FMO4: variants seen among roughly 807,000 people sequenced by gnomAD.
FMO4 encodes the protein dimethylaniline monooxygenase [N-oxide-forming] 4.
Under a neutral mutation model 43.3 loss-of-function variants are expected in FMO4, and 38 were observed. The ratio of observed to expected loss-of-function variants is 0.88; its 90% confidence interval spans 0.68 to 1.15. The LOEUF (loss-of-function observed/expected upper bound fraction) is 1.15. Ranked by LOEUF, FMO4 falls within the 50% of genes most tolerant of loss-of-function variation. The pLI is 0.00. For missense variants in FMO4, 631 were observed against 663.3 expected, an observed-to-expected ratio of 0.95 and a Z score of 0.54; for synonymous variants, 224 against 232.2, an observed-to-expected ratio of 0.96 and a Z score of 0.32.
At chr1:171,334,353 TTGC>T in intron 7 of FMO4, 55 bp from the exon 8 acceptor site, 1 of 1,099,182 alleles carries the variant, frequency 9.1e-7, no homozygotes, top group Non-Finnish European at 1.3e-6. Flanking sequence ...AGTAAATCAT[TTGC>T]TGAAGTTTCT....
chr1:171,341,501 A>T lies in FMO4; in HGVS notation c.1339A>T (p.Ile447Phe). Residue 447 changes from isoleucine to phenylalanine, a missense_variant, in exon 10 of 10, where the codon ATC becomes TTC. Physicochemically the swap from Ile to Phe is conservative, Grantham distance 21. Transcript: ENST00000367749. ...TGCCTGCATAGGCACAAAGCCCAGC[A>T]TCCCACTTCTGTTCCTCAAGGATCC... ...IAACIGTKPS[I>F]PLLFLKDPRL... is the part of the protein sequence containing the mutation. 6.2e-7 allele frequency: 1 copy of T among 1,614,044 alleles called. No homozygotes were observed.
intron 9 of FMO4, among the ~76,000 whole-genome samples, chr1:171,338,656 G>A (rs187780306): frequency 3.9e-5 from 6 of 152,274 alleles, no homozygotes; most frequent in Non-Finnish European, 7.3e-5. Context: ...TAAGAGAGAA[G>A]CCTTCTCTGA....
intron 3 of FMO4, 101 bp downstream of exon 3, chr1:171,320,058 CT>C: frequency 7.9e-7 from 1 of 1,271,540 alleles, no homozygotes; most frequent in Non-Finnish European, 1.1e-6. Flanking sequence ...AAGGGAGTGG[CT>C]TACTGCAACG....
chr1:171,316,704 G>T (rs1049654483), intron 2 of FMO4, among the ~76,000 whole-genome samples: 1 of 152,084 alleles, frequency 6.6e-6, no homozygotes, highest in African/African-American at 2.4e-5. Flanking sequence ...AAGTCTAAGA[G>T]GAAAAATGAT....
chr1:171,317,182 G>C (rs1318645945), intron 2 of FMO4, among the ~76,000 whole-genome samples: 1 of 152,104 alleles, frequency 6.6e-6, no homozygotes. Flanking sequence ...AAATGATTAT[G>C]CTGATTTCCC....
chr1:171,340,956 G>GA (rs938743631), intron 9 of FMO4, among the ~76,000 whole-genome samples: 167 of 151,884 alleles, frequency 1.1e-3, no homozygotes, highest in African/African-American at 3.4e-3. Context: ...GTAAAAAATG[G>GA]AAAAAAACAT....
chr1:171,332,817 G>C lies in FMO4; in HGVS notation c.736G>C (p.Val246Leu), dbSNP rs1181374943. The stretch of plus-strand genomic sequence containing the variant: ...AAGATGCTGTAGTTTTATTGCACAA[G>C]TTCTGCCTTCACGTTTTCTAAACTG... Reference protein sequence around the residue: ...TRRCCSFIAQVLPSRFLNWIQ... With the variant: ...TRRCCSFIAQLLPSRFLNWIQ... Residue 246 changes from valine to leucine, a missense_variant, in exon 7 of 10, where the codon GTT (valine) becomes CTT (leucine). Coordinates refer to ENST00000367749, the MANE Select transcript of FMO4 (RefSeq NM_002022.3). 6.2e-7 allele frequency: 1 copy of C among 1,613,388 alleles called. No homozygotes were observed. The highest frequency in any genetic ancestry group is 1.7e-4 in the Middle Eastern group (1 of 6,054).
At chr1:171,336,372 C>G (rs1663114454) in intron 8 of FMO4, among the ~76,000 whole-genome samples, 1 of 151,994 alleles carries the variant, frequency 6.6e-6, no homozygotes, top group South Asian at 2.1e-4. Flanking sequence ...TGGACAACTG[C>G]AGAGAATTAT....
intron 9 of FMO4, among the ~76,000 whole-genome samples, chr1:171,339,302 G>A (rs749360724): frequency 5.9e-5 from 9 of 152,016 alleles, no homozygotes; most frequent in Non-Finnish European, 1.2e-4. Flanking sequence ...AGTTTCTCTC[G>A]AGTTTTTAAG....
At chr1:171,337,218 G>T in intron 8 of FMO4, 138 bp from the exon 9 acceptor site, 1 of 701,516 alleles carries the variant, frequency 1.4e-6, no homozygotes. Flanking sequence ...TATTTTCTGT[G>T]CTGCATTTCC....
intron 5 of FMO4, among the ~76,000 whole-genome samples, chr1:171,327,454 G>T (rs1308874793): frequency 1.3e-5 from 2 of 152,068 alleles, no homozygotes; most frequent in Admixed American, 6.5e-5. Context: ...TTGTTTGTTT[G>T]GTTGGTTGGT....
chr1:171,336,953 A>G (rs1429182614), intron 8 of FMO4, among the ~76,000 whole-genome samples: 1 of 129,910 alleles, frequency 7.7e-6, no homozygotes, highest in Non-Finnish European at 1.6e-5. Flanking sequence ...TAGCTTTAAC[A>G]CAAACATGCA....
chr1:171,327,688 G>A (rs1281027558), intron 5 of FMO4, among the ~76,000 whole-genome samples: 4 of 152,194 alleles, frequency 2.6e-5, no homozygotes, highest in East Asian at 1.9e-4. Flanking sequence ...GCCGAGGCAG[G>A]CAGATCTTTT....
chr1:171,337,315 G>A, intron 8 of FMO4, 41 bp from the exon 9 acceptor site: 1 of 1,370,198 alleles, frequency 7.3e-7, no homozygotes, highest in Non-Finnish European at 1.0e-6. Context: ...TAAAGGAAAA[G>A]CCACATGTGA....
chr1:171,319,716 GA>G (rs1327200609), intron 2 of FMO4, 101 bp from the exon 3 acceptor site: 20 of 931,988 alleles, frequency 2.1e-5, no homozygotes, highest in South Asian at 6.6e-5. Flanking sequence ...ACTCAAAGAT[GA>G]AAAAAAGGCA....
At chr1:171,319,344 G>T (rs552475504) in intron 2 of FMO4, among the ~76,000 whole-genome samples, 2 of 152,266 alleles carry the variant, frequency 1.3e-5, no homozygotes, top group East Asian at 3.9e-4. Context: ...ACACTGCTCT[G>T]CTCTGCCACT....
At chr1:171,324,333 C>T in intron 5 of FMO4, 33 bp downstream of exon 5, 1 of 1,523,784 alleles carries the variant, frequency 6.6e-7, no homozygotes, top group Non-Finnish European at 8.9e-7. Flanking sequence ...CATGCCTATG[C>T]TTCTGGGTTC....
chr1:171,317,955 A>G (rs1571386685), intron 2 of FMO4, among the ~76,000 whole-genome samples: 1 of 152,124 alleles, frequency 6.6e-6, no homozygotes, highest in Non-Finnish European at 1.5e-5. Context: ...TAGCATCCCA[A>G]CGGGGTCAAG....
At chr1:171,331,448 A>G (rs894525766) in intron 5 of FMO4, among the ~76,000 whole-genome samples, 192 bp from the exon 6 acceptor site, 1 of 152,192 alleles carries the variant, frequency 6.6e-6, no homozygotes, top group Non-Finnish European at 1.5e-5. Flanking sequence ...AGTTTGTACT[A>G]AATCCACATC....
Sources: gnomAD v4.1 joint callset for allele counts (sites outside exome capture counted in the v4.1 genomes callset) on GRCh38, gnomAD v4.1.1 for gene constraint, MANE v1.5 for transcripts, NCBI Gene and HGNC (gene_info 2026-07-23, HGNC 2026-07-21) for gene names.